ATP8A2: variants seen among roughly 807,000 people sequenced by gnomAD.
ATP8A2 encodes the protein ATPase phospholipid transporting 8A2, also known as phospholipid-transporting ATPase IB.
In ATP8A2, 100 loss-of-function variants were observed where a neutral mutation model predicts 165.6. The observed-to-expected ratio is 0.60, with a 90% CI of 0.51 to 0.71. The LOEUF (loss-of-function observed/expected upper bound fraction) is 0.71, where lower values mean the gene tolerates loss of function less well. ATP8A2 is among the 30% of genes least tolerant of loss of function. The pLI is 0.00. For missense variants in ATP8A2, 1,227 were observed against 1,479.5 expected, an observed-to-expected ratio of 0.83 and a Z score of 2.80; for synonymous variants, 543 against 548.8, an observed-to-expected ratio of 0.99 and a Z score of 0.15.
At position 25,530,002 on chromosome 13, in the gene ATP8A2, G is replaced by A. The variant is rs939678367; in HGVS notation, c.225G>A (p.Thr75=). 8 of 1,601,170 alleles carry A rather than the reference G, an allele frequency of 5.0e-6. No individual in the cohort carries two copies. The highest frequency in any genetic ancestry group is 2.2e-5 in the South Asian group (2 of 90,260). ...LNKFRDNQIS[T]AKYSVLTFLP... is the part of the protein sequence containing the mutation. ...TTATTTTTCTTTGCACTTACAGTAC[G>A]GCCAAGTACAGCGTGTTGACATTTC... The change falls in exon 3 of 37, where the codon ACG becomes ACA. Residue 75 remains threonine (T), a synonymous_variant. Coordinates refer to ENST00000381655, the MANE Select transcript of ATP8A2 (RefSeq NM_016529.6).
chr13:25,509,880 T>C (rs981624785), intron 2 of ATP8A2, among the ~76,000 whole-genome samples: 40 of 152,322 alleles, frequency 2.6e-4, no homozygotes, highest in African/African-American at 9.6e-4. Context: ...ATTACAGTTC[T>C]TCCTTAAACA....
chr13:25,677,651 G>C (rs955573339), intron 24 of ATP8A2, among the ~76,000 whole-genome samples: 4 of 152,158 alleles, frequency 2.6e-5, no homozygotes, highest in Admixed American at 6.5e-5. Context: ...TTGGTGAAGG[G>C]TAAGGTGAAT....
intron 22 of ATP8A2, among the ~76,000 whole-genome samples, chr13:25,580,294 G>A (rs2138234757): frequency 6.6e-6 from 1 of 152,344 alleles, no homozygotes; most frequent in East Asian, 1.9e-4. Context: ...CTGGTTAGAT[G>A]TTGTACATGC....
In ATP8A2 at chr13:25,553,829, C is replaced by T. The variant is rs759001693; in HGVS notation, c.1094C>T (p.Thr365Met). 6 of 1,613,480 alleles carry T rather than the reference C, an allele frequency of 3.7e-6. No homozygotes were observed. Among genetic ancestry groups the T allele is most frequent in the Non-Finnish European group, 4.2e-6 (5 of 1,179,440 alleles). Reference protein sequence around the residue: ...TSDNFGYNLLTFIILYNNLIP... With the variant: ...TSDNFGYNLLMFIILYNNLIP... ...GATAATTTTGGATACAACCTACTGACGTTCATCATCTTATACAACAATCTT... is the reference window on the plus strand; with the variant it reads ...GATAATTTTGGATACAACCTACTGATGTTCATCATCTTATACAACAATCTT... The change falls in exon 12 of 37, where the codon ACG becomes ATG. Residue 365 changes from threonine to methionine, a missense_variant. Transcript: ENST00000381655.
intron 24 of ATP8A2, among the ~76,000 whole-genome samples, chr13:25,665,359 G>A (rs1420097862): frequency 6.6e-6 from 1 of 152,170 alleles, no homozygotes; most frequent in African/African-American, 2.4e-5. Flanking sequence ...TTGGGAGGCT[G>A]AGGAGGGAGG....
At chr13:25,770,038 G>C (rs1386211574) in intron 26 of ATP8A2, among the ~76,000 whole-genome samples, 2 of 152,150 alleles carry the variant, frequency 1.3e-5, no homozygotes, top group Non-Finnish European at 2.9e-5. Context: ...CAGTGGAAGA[G>C]ATCTAACTTA....
chr13:25,868,414 C>G (rs1476804556), intron 33 of ATP8A2, among the ~76,000 whole-genome samples: 4 of 152,156 alleles, frequency 2.6e-5, no homozygotes, highest in Non-Finnish European at 5.9e-5. Context: ...AGCGGTCAGC[C>G]TCGTCAAGGA....
At chr13:25,618,614 C>A (rs1340544236) in intron 24 of ATP8A2, among the ~76,000 whole-genome samples, 1 of 150,036 alleles carries the variant, frequency 6.7e-6, no homozygotes, top group African/African-American at 2.5e-5. Flanking sequence ...CTATTAATGG[C>A]AGTAAACTTT....
intron 33 of ATP8A2, among the ~76,000 whole-genome samples, chr13:25,915,533 A>G (rs1379789422): frequency 2.6e-5 from 4 of 152,306 alleles, no homozygotes; most frequent in African/African-American, 7.2e-5. Context: ...GGCGGGAGCA[A>G]TAAGTGAAAC....
intron 18 of ATP8A2, among the ~76,000 whole-genome samples, chr13:25,573,999 A>G (rs1482194197): frequency 6.6e-6 from 1 of 152,236 alleles, no homozygotes; most frequent in Non-Finnish European, 1.5e-5. Context: ...CATGCATAAG[A>G]AAGTCACACA....
At chr13:25,665,992 T>C in intron 24 of ATP8A2, among the ~76,000 whole-genome samples, 1 of 151,140 alleles carries the variant, frequency 6.6e-6, no homozygotes, top group East Asian at 1.9e-4. Context: ...TGTTTCTCTT[T>C]TTTAGTTTCT....
At position 25,838,691 on chromosome 13, in the gene ATP8A2, A is replaced by G. The variant is rs150258392; in HGVS notation, c.2878-855A>G. ...TTGTCTTACCACTACTTAGGCTCAA[A>G]CTATATGATAATTTCCAGGGACAAC... On this transcript the variant is annotated intron_variant, in intron 29 of 36. Transcript: ENST00000381655. 2.0e-5 allele frequency among the ~76,000 whole-genome samples: 3 copies of G among 152,224 alleles called. No homozygotes were observed. In the East Asian group the frequency reaches 5.8e-4, roughly 29 times the overall value.
In ATP8A2 at chr13:25,922,704, A is replaced by G. The variant is rs138651085; in HGVS notation, c.3184-38871A>G. Among the ~76,000 whole-genome samples, 299 of 152,340 alleles carry G rather than the reference A, an allele frequency of 2.0e-3. 2 individuals carry two copies. The highest frequency in any genetic ancestry group is 7.1e-3 in the African/African-American group (295 of 41,588). On this transcript the variant is annotated intron_variant, in intron 33 of 36. Transcript: ENST00000381655. ...GGCTGGCCATTAGAATTAGTAGGCC[A>G]CATCTAATACGTCCACACAGGTCCA... is the stretch of plus-strand genomic sequence containing the variant.
chr13:25,477,191 C>CA (rs1439289105), intron 2 of ATP8A2, among the ~76,000 whole-genome samples: 4 of 151,598 alleles, frequency 2.6e-5, no homozygotes, highest in African/African-American at 4.8e-5. Context: ...TGAATTTGAC[C>CA]AAAAAAAATC....
At chr13:25,719,825 G>T (rs74414266) in intron 25 of ATP8A2, among the ~76,000 whole-genome samples, 1 of 152,102 alleles carries the variant, frequency 6.6e-6, no homozygotes, top group Admixed American at 6.5e-5. Context: ...ACTGGCAGGC[G>T]AGCTGTGCCC....
intron 24 of ATP8A2, among the ~76,000 whole-genome samples, chr13:25,598,992 CT>C (rs1476333562): frequency 1.3e-5 from 2 of 152,106 alleles, no homozygotes; most frequent in African/African-American, 2.4e-5. Flanking sequence ...ACTGTCAGTG[CT>C]GGAACTTAAG....
intron 19 of ATP8A2, among the ~76,000 whole-genome samples, chr13:25,575,707 G>T (rs1272731679): frequency 1.3e-5 from 2 of 152,156 alleles, no homozygotes; most frequent in Non-Finnish European, 2.9e-5. Context: ...ATGGGGAGGG[G>T]AGGAGGGATG....
At chr13:25,770,783 C>T (rs2044602707) in intron 26 of ATP8A2, among the ~76,000 whole-genome samples, 1 of 152,188 alleles carries the variant, frequency 6.6e-6, no homozygotes, top group Non-Finnish European at 1.5e-5. Flanking sequence ...GATGCCTGCT[C>T]ATCGGCTGGG....
At chr13:25,712,365 A>C (rs3132341) in intron 25 of ATP8A2, among the ~76,000 whole-genome samples, 36,803 of 152,028 alleles carry the variant, frequency 0.24, 6,683 homozygotes, top group African/African-American at 0.51. Flanking sequence ...TGCCCACTAG[A>C]AACCCTGGAG....
Sources: gnomAD v4.1 joint callset for allele counts (sites outside exome capture counted in the v4.1 genomes callset) on GRCh38, gnomAD v4.1.1 for gene constraint, MANE v1.5 for transcripts, NCBI Gene and HGNC (gene_info 2026-07-23, HGNC 2026-07-21) for gene names.